KLHL5: variants seen among roughly 807,000 people sequenced by gnomAD.
The protein encoded by KLHL5 is kelch-like protein 5.
In KLHL5, 48 loss-of-function variants were observed where a neutral mutation model predicts 77.7. The ratio of observed to expected loss-of-function variants is 0.62; its 90% CI spans 0.49 to 0.79. KLHL5 has a LOEUF of 0.79. Among genes scored for constraint, KLHL5 ranks in the 30% least tolerant of loss-of-function variants. The probability of loss-of-function intolerance (pLI) is 0.00; values close to 1 mark genes in which losing one functional copy is unlikely to be tolerated. For missense variants in KLHL5, 723 were observed against 859.7 expected (o/e 0.84, Z 1.99); for synonymous variants, 260 against 297.0 (o/e 0.88, Z 1.28).
chr4:39,058,114 C>T (rs117574066), upstream of KLHL5, among the ~76,000 whole-genome samples: 46 of 152,104 alleles, frequency 3.0e-4, 1 homozygote, highest in East Asian at 5.2e-3. Context: ...TTAAATAATA[C>T]GTGAGCTTTT....
chr4:39,101,126 T>TATACATATATATG (rs1553892884), intron 6 of KLHL5, among the ~76,000 whole-genome samples: 1 of 134,844 alleles, frequency 7.4e-6, no homozygotes, highest in African/African-American at 2.8e-5. Context: ...TATTTGGATT[T>TATACATATATATG]TATATATATA....
rs1364442923 is a variant in KLHL5 at position 39,108,011 on chromosome 4, A to G, written c.1688+280A>G. 3.3e-5 allele frequency among the ~76,000 whole-genome samples: 5 copies of G among 151,234 alleles called. No individual in the cohort carries two copies. The East Asian group carries it at 7.7e-4, about 23-fold the overall frequency. The stretch of plus-strand genomic sequence containing the variant: ...ATAAGTTGTACTATAAAAATCTGGT[A>G]TATCTATATTAAAATAATATAATTT... On this transcript the variant is annotated intron_variant, in intron 8 of 10. Coordinates refer to ENST00000504108, the MANE Select transcript of KLHL5 (RefSeq NM_015990.5).
intron 4 of KLHL5, 28 bp from the exon 5 acceptor site, chr4:39,086,487 T>C: frequency 1.3e-6 from 2 of 1,554,934 alleles, no homozygotes; most frequent in Non-Finnish European, 1.8e-6. Context: ...AGGAACAATA[T>C]TGTTTATCTG....
At chr4:39,104,756 A>G (rs954179428) in intron 7 of KLHL5, among the ~76,000 whole-genome samples, 5 of 152,278 alleles carry the variant, frequency 3.3e-5, no homozygotes, top group Admixed American at 3.3e-4. Context: ...ACAAATTTGA[A>G]CTTAAGAAAT....
At chr4:39,139,387 G>C in the KLHL5 span, among the ~76,000 whole-genome samples, 13 of 152,226 alleles carry the variant, frequency 8.5e-5, no homozygotes, top group African/African-American at 1.2e-4. Flanking sequence ...TAGGGGTTAG[G>C]GGAGAGGGAA....
At chr4:39,065,397 C>T (rs1717801200) in intron 1 of KLHL5, among the ~76,000 whole-genome samples, 1 of 151,238 alleles carries the variant, frequency 6.6e-6, no homozygotes, top group African/African-American at 2.4e-5. Flanking sequence ...GCTCTGTTAC[C>T]CAGGCTGGAG....
chr4:39,134,856 A>G, the KLHL5 span, among the ~76,000 whole-genome samples: 1 of 152,222 alleles, frequency 6.6e-6, no homozygotes, highest in Non-Finnish European at 1.5e-5. Context: ...ATGAATGGAA[A>G]TGAGAGCATG....
chr4:39,089,606 C>T (rs1212534086), intron 5 of KLHL5, among the ~76,000 whole-genome samples: 1 of 152,162 alleles, frequency 6.6e-6, no homozygotes, highest in Non-Finnish European at 1.5e-5. Context: ...ATTGATGTCA[C>T]ACTTGAAAAA....
intron 1 of KLHL5, among the ~76,000 whole-genome samples, chr4:39,051,016 TCTC>T (rs943433476): frequency 1.9e-4 from 29 of 152,324 alleles, no homozygotes; most frequent in African/African-American, 6.5e-4. Flanking sequence ...CTTCCTGGCT[TCTC>T]CTCATGGGTA....
At chr4:39,128,826 C>T (rs984807358), downstream of KLHL5, among the ~76,000 whole-genome samples, 1 of 151,920 alleles carries the variant, frequency 6.6e-6, no homozygotes, top group African/African-American at 2.4e-5. Flanking sequence ...ATTAGCCAGG[C>T]GTGATGGTGT....
chr4:39,084,391 T>C (rs1037229858), intron 4 of KLHL5, among the ~76,000 whole-genome samples: 3 of 152,186 alleles, frequency 2.0e-5, no homozygotes, highest in Non-Finnish European at 4.4e-5. Flanking sequence ...GGTTGTATGA[T>C]TACAACTATT....
At chr4:39,086,457 A>T in intron 4 of KLHL5, 58 bp from the exon 5 acceptor site, 1 of 1,367,046 alleles carries the variant, frequency 7.3e-7, no homozygotes, top group Non-Finnish European at 1.0e-6. Context: ...CTTTCTTCTA[A>T]GTAAATTGTG....
At position 39,051,919 on chromosome 4, in the gene KLHL5, T is replaced by C. The variant is rs557718797; in HGVS notation, c.-95+6823T>C. 1.2e-3 allele frequency among the ~76,000 whole-genome samples: 190 copies of C among 152,242 alleles called. 1 individual carries two copies. Among genetic ancestry groups the C allele is most frequent in the African/African-American group, 4.3e-3 (178 of 41,536 alleles). ...GCAAATTTACTAATCACAGGGATCA[T>C]TTTTACTACAAGTAGTGTTACCTAA... On this transcript the variant is annotated intron_variant, in intron 1 of 11. Coordinates refer to the KLHL5 transcript ENST00000261425.
chr4:39,130,660 T>TAGGAGGATGACC (rs1161550707), downstream of KLHL5, among the ~76,000 whole-genome samples: 1 of 152,176 alleles, frequency 6.6e-6, no homozygotes, highest in Non-Finnish European at 1.5e-5. Flanking sequence ...CAGCCACCTT[T>TAGGAGGATGACC]AGGAGGATGA....
At position 39,125,605 on chromosome 4, in the gene KLHL5, C is replaced by T. The variant is rs920031281; in HGVS notation, c.*4539C>T. On this transcript the variant is annotated 3_prime_UTR_variant, in exon 11 of 11. Coordinates refer to ENST00000504108, the MANE Select transcript of KLHL5 (RefSeq NM_015990.5). ...GAAAGAAGGCAGACACAAAAGGCAA[C>T]GTATTGCATGAGTGCATTTATATGA... Among the ~76,000 whole-genome samples, 10 of 152,068 alleles carry T rather than the reference C, an allele frequency of 6.6e-5. No individual in the cohort carries two copies. Among genetic ancestry groups the T allele is most frequent in the Non-Finnish European group, 1.0e-4 (7 of 68,016 alleles).
downstream of KLHL5, among the ~76,000 whole-genome samples, chr4:39,130,573 A>G (rs1723760861): frequency 6.6e-6 from 1 of 152,150 alleles, no homozygotes; most frequent in Non-Finnish European, 1.5e-5. Context: ...TTTAAAATAC[A>G]TAGATGCCTG....
chr4:39,108,466 T>C (rs1370244517), intron 8 of KLHL5, among the ~76,000 whole-genome samples: 2 of 152,162 alleles, frequency 1.3e-5, no homozygotes, highest in East Asian at 1.9e-4. Context: ...AATTGTGTTA[T>C]TGATTATTAT....
In KLHL5 at chr4:39,115,257, T is replaced by C. The variant is rs771784183; in HGVS notation, c.2000T>C (p.Val667Ala). The C allele has an allele frequency of 1.9e-6, 3 of 1,613,942 alleles. No homozygotes were observed. The Admixed American group carries it at 5.0e-5, about 27-fold the overall frequency. ...VCLLGDKLYA[V>A]GGYDGQAYLN... Reference sequence around the variant, plus strand: ...TTACTTGGTGATAAGTTATATGCTGTTGGGGGGTATGATGGACAGGCATAC... The same window carrying C: ...TTACTTGGTGATAAGTTATATGCTGCTGGGGGGTATGATGGACAGGCATAC... Residue 667 changes from valine (V) to alanine (A), a missense_variant, in exon 10 of 11, where the codon GTT (valine) becomes GCT (alanine). Val to Ala is a moderately conservative substitution (Grantham distance 64). This residue lies in a region of KLHL5 where 214 missense variants were observed against 237.4 expected (regional missense o/e 0.90). Coordinates refer to ENST00000504108, the MANE Select transcript of KLHL5 (RefSeq NM_015990.5).
upstream of KLHL5, among the ~76,000 whole-genome samples, chr4:39,061,311 G>A (rs1440676015): frequency 6.6e-6 from 1 of 152,098 alleles, no homozygotes; most frequent in Admixed American, 6.6e-5. Flanking sequence ...GCTTAGATAG[G>A]CATTGCCTTT....
Sources: gnomAD v4.1 joint callset for allele counts (sites outside exome capture counted in the v4.1 genomes callset) on GRCh38, gnomAD v4.1.1 for gene constraint, gnomAD v4.1.1 regional missense constraint, MANE v1.5 for transcripts, NCBI Gene and HGNC (gene_info 2026-07-23, HGNC 2026-07-21) for gene names.